The following PRIM2 variants were observed in gnomAD, a reference collection of about 807,000 sequenced individuals.
PRIM2 encodes the protein DNA primase large subunit.
PRIM2 carries 39 observed loss-of-function variants against 67.3 expected under a neutral mutation model. The ratio of observed to expected loss-of-function variants is 0.58; its 90% CI spans 0.45 to 0.76. The LOEUF is 0.76. Among genes scored for constraint, PRIM2 ranks in the 30% least tolerant of loss-of-function variants. PRIM2 has a pLI of 0.00. For synonymous variants in PRIM2, 143 were observed against 198.7 expected (o/e 0.72, Z 2.36); for missense variants, 398 against 598.7 (o/e 0.66, Z 3.50).
chr6:57,341,726 G>C (rs1279965978), intron 5 of PRIM2, among the ~76,000 whole-genome samples: 1 of 152,204 alleles, frequency 6.6e-6, no homozygotes, highest in African/African-American at 2.4e-5. Context: ...GACAAAGCAA[G>C]GTTTGGGGAA....
At chr6:57,236,658 A>G in the PRIM2 span, among the ~76,000 whole-genome samples, 2 of 151,946 alleles carry the variant, frequency 1.3e-5, no homozygotes, top group African/African-American at 4.8e-5. Flanking sequence ...GAGTGAGAAC[A>G]TGCGGTGTTT....
chr6:57,600,495 C>T lies in PRIM2; in HGVS notation c.1021-598C>T, dbSNP rs1180605053. ...GCCTCAGGCTCCTGAGTAGCTGAGA[C>T]GACAGGTGCATGCCACCACACCCAG... On this transcript the variant is annotated intron_variant, in intron 10 of 13. Transcript: ENST00000615550. 7.5e-4 allele frequency among the ~76,000 whole-genome samples: 114 copies of T among 151,460 alleles called. 1 individual carries two copies. Among genetic ancestry groups the T allele is most frequent in the African/African-American group, 2.5e-3 (102 of 41,304 alleles).
At chr6:57,404,838 TTG>T (rs1469434442) in intron 7 of PRIM2, among the ~76,000 whole-genome samples, 1 of 142,760 alleles carries the variant, frequency 7.0e-6, no homozygotes, top group East Asian at 2.0e-4. Flanking sequence ...GTGGTCACCT[TTG>T]TGGATTTTTT....
chr6:57,266,055 A>G, the PRIM2 span, among the ~76,000 whole-genome samples: 1 of 152,198 alleles, frequency 6.6e-6, no homozygotes, highest in Non-Finnish European at 1.5e-5. Context: ...GCTCAGGGCT[A>G]TTTATAAAGA....
intron 9 of PRIM2, among the ~76,000 whole-genome samples, chr6:57,532,785 G>C (rs1197392587): frequency 0.012 from 1,882 of 152,220 alleles, 37 homozygotes; most frequent in African/African-American, 0.043. Flanking sequence ...TTTAATAAAG[G>C]GGAAATGGAA....
chr6:57,323,382 T>C (rs1337762713), intron 3 of PRIM2, among the ~76,000 whole-genome samples: 1 of 152,108 alleles, frequency 6.6e-6, no homozygotes, highest in Non-Finnish European at 1.5e-5. Context: ...TAAGAAGTGG[T>C]TGAGGTGGTG....
chr6:57,609,815 C>A (rs1462550080), intron 12 of PRIM2, among the ~76,000 whole-genome samples: 1 of 152,128 alleles, frequency 6.6e-6, no homozygotes, highest in African/African-American at 2.4e-5. Context: ...TAGAGTGAAG[C>A]AGCTGGTGGA....
Position 57,322,068 on chromosome 6 carries a change from C to A in PRIM2, c.258+1508C>A, listed in dbSNP as rs1001953120. 2.0e-5 allele frequency among the ~76,000 whole-genome samples: 3 copies of A among 151,712 alleles called. No homozygotes were observed. The East Asian group carries it at 5.8e-4, about 29-fold the overall frequency. On this transcript the variant is annotated intron_variant, in intron 3 of 13. Coordinates refer to ENST00000615550, the MANE Select transcript of PRIM2 (RefSeq NM_000947.5). ...CAGTGGTTGGAGAAGGAAGGTGGAGCGGTGGATATAGAAGATGTACTTTTT... is the reference window on the plus strand; with the variant it reads ...CAGTGGTTGGAGAAGGAAGGTGGAGAGGTGGATATAGAAGATGTACTTTTT...
intron 9 of PRIM2, among the ~76,000 whole-genome samples, chr6:57,535,306 T>C (rs1581975388): frequency 6.6e-6 from 1 of 152,072 alleles, no homozygotes; most frequent in East Asian, 1.9e-4. Context: ...AATAATCCAG[T>C]GGACTGGAGC....
At chr6:57,229,420 C>T in the PRIM2 span, among the ~76,000 whole-genome samples, 2 of 151,998 alleles carry the variant, frequency 1.3e-5, no homozygotes, top group Admixed American at 6.5e-5. Context: ...TTTCTTTTCT[C>T]CTGTAGTCAA....
At chr6:57,344,043 A>G (rs1768590260) in intron 5 of PRIM2, among the ~76,000 whole-genome samples, 2 of 152,090 alleles carry the variant, frequency 1.3e-5, no homozygotes, top group African/African-American at 4.8e-5. Context: ...TTCTCACTGA[A>G]ACTGAATTAG....
intron 7 of PRIM2, among the ~76,000 whole-genome samples, chr6:57,401,218 C>A (rs1015671478): frequency 2.0e-5 from 3 of 152,164 alleles, no homozygotes; most frequent in African/African-American, 7.2e-5. Context: ...TCTTTCTCAT[C>A]TCTGCATATG....
intron 13 of PRIM2, among the ~76,000 whole-genome samples, chr6:57,644,925 T>G (rs1777309075): frequency 6.6e-6 from 1 of 152,058 alleles, no homozygotes; most frequent in African/African-American, 2.4e-5. Context: ...GAAATGATAC[T>G]CAAAATTAAA....
chr6:57,301,864 A>G, the PRIM2 span, among the ~76,000 whole-genome samples: 1 of 152,224 alleles, frequency 6.6e-6, no homozygotes, highest in Non-Finnish European at 1.5e-5. Flanking sequence ...ATACCTAACA[A>G]TAAACCTGCA....
intron 8 of PRIM2, among the ~76,000 whole-genome samples, chr6:57,514,818 T>G (rs1235038212): frequency 6.6e-6 from 1 of 152,126 alleles, no homozygotes; most frequent in African/African-American, 2.4e-5. Context: ...GAAGCTTATA[T>G]TTTTAAGGGG....
intron 7 of PRIM2, among the ~76,000 whole-genome samples, chr6:57,467,964 CA>C: frequency 6.6e-6 from 1 of 152,102 alleles, no homozygotes. Context: ...GTGATTTTTG[CA>C]CATTGATTTT....
chr6:57,392,648 T>G (rs79691884), intron 7 of PRIM2, among the ~76,000 whole-genome samples: 1 of 151,892 alleles, frequency 6.6e-6, no homozygotes. Flanking sequence ...GTTTTTTTTT[T>G]GTGGATATCC....
rs575958629 is a variant in PRIM2, at chr6:57,422,158, C to CTTTTTTTTTTT, written c.693+39994_693+40004dup. Among the ~76,000 whole-genome samples, 23 of 103,316 alleles carry CTTTTTTTTTTT rather than the reference C, an allele frequency of 2.2e-4. 3 individuals are homozygous for CTTTTTTTTTTT. The highest frequency in any genetic ancestry group is 3.7e-4 in the South Asian group (1 of 2,684). 67.8% of individuals were successfully genotyped at this position (103,316 alleles called of 152,430 possible). On this transcript the variant is annotated intron_variant, in intron 7 of 13. Coordinates refer to ENST00000615550, the MANE Select transcript of PRIM2 (RefSeq NM_000947.5). ...AAATTCAAAAGTATTTCTTTTCTTTCTTTTTTTTTTTTTTGAGATGGAGTC... is the reference window on the plus strand; with the variant it reads ...AAATTCAAAAGTATTTCTTTTCTTTCTTTTTTTTTTTTTTTTTTTTTTTTTGAGATGGAGTC...
the PRIM2 span, among the ~76,000 whole-genome samples, chr6:57,281,890 C>T: frequency 0.058 from 8,827 of 152,076 alleles, 590 homozygotes; most frequent in African/African-American, 0.16. Flanking sequence ...CAGTTTTAAC[C>T]CTAAGTCTGA....
Sources: gnomAD v4.1 joint callset for allele counts (sites outside exome capture counted in the v4.1 genomes callset) on GRCh38, gnomAD v4.1.1 for gene constraint, MANE v1.5 for transcripts, NCBI Gene and HGNC (gene_info 2026-07-23, HGNC 2026-07-21) for gene names.